Variants in FANCC observed in about 807,000 individuals in gnomAD.
FANCC encodes the protein Fanconi anemia group C protein.
A neutral mutation model predicts 71.3 loss-of-function variants in FANCC; 55 were observed. The ratio of observed to expected loss-of-function variants is 0.77; its 90% CI spans 0.62 to 0.97. The LOEUF is 0.97. FANCC is among the 50% of genes least tolerant of loss of function. The pLI is 0.00. For synonymous variants in FANCC, 275 were observed against 244.9 expected, an observed-to-expected ratio of 1.12 and a Z score of -1.15; for missense variants, 678 against 670.9, an observed-to-expected ratio of 1.01 and a Z score of -0.12.
chr9:95,230,524 G>C (rs911654131), intron 4 of FANCC, among the ~76,000 whole-genome samples: 1 of 152,146 alleles, frequency 6.6e-6, no homozygotes. Context: ...GAGTGTTACA[G>C]TTCTTAAAGA....
intron 4 of FANCC, among the ~76,000 whole-genome samples, chr9:95,214,765 C>T (rs910094050): frequency 1.4e-4 from 22 of 152,236 alleles, no homozygotes; most frequent in East Asian, 3.9e-4. Flanking sequence ...GAAAGACAAA[C>T]GTATGACTCC....
chr9:95,136,862 T>C (rs1827776826), intron 7 of FANCC, among the ~76,000 whole-genome samples: 1 of 152,168 alleles, frequency 6.6e-6, no homozygotes, highest in Non-Finnish European at 1.5e-5. Context: ...GAATTGGGGC[T>C]CCACTTCCCC....
chr9:95,146,843 G>A (rs1326003718), intron 7 of FANCC, among the ~76,000 whole-genome samples: 1 of 151,954 alleles, frequency 6.6e-6, no homozygotes, highest in African/African-American at 2.4e-5. Context: ...ACTGAGATGC[G>A]TTAAAAGAAA....
At chr9:95,209,854 C>T (rs773025654) in intron 4 of FANCC, among the ~76,000 whole-genome samples, 2 of 152,152 alleles carry the variant, frequency 1.3e-5, no homozygotes, top group African/African-American at 4.8e-5. Flanking sequence ...CCTGCTCCAG[C>T]GAGCAGCCTG....
chr9:95,207,875 C>T (rs748415092), intron 4 of FANCC, among the ~76,000 whole-genome samples: 1 of 151,958 alleles, frequency 6.6e-6, no homozygotes, highest in Non-Finnish European at 1.5e-5. Flanking sequence ...TGTGTGTGTA[C>T]GTGTGTGTCT....
intron 1 of FANCC, among the ~76,000 whole-genome samples, chr9:95,316,203 C>T (rs550516364): frequency 6.6e-6 from 1 of 152,304 alleles, no homozygotes; most frequent in East Asian, 1.9e-4. Flanking sequence ...AAAAAGATCT[C>T]TGATATATCT....
intron 6 of FANCC, among the ~76,000 whole-genome samples, chr9:95,159,854 G>A (rs1182148249): frequency 6.6e-6 from 1 of 152,102 alleles, no homozygotes; most frequent in African/African-American, 2.4e-5. Flanking sequence ...CATATTTTTT[G>A]CCCAATTTTT....
intron 1 of FANCC, among the ~76,000 whole-genome samples, chr9:95,284,877 T>TAC (rs71366285): frequency 0.32 from 46,614 of 147,442 alleles, 7,096 homozygotes; most frequent in South Asian, 0.35. Context: ...CACACACACA[T>TAC]ACACACACAC....
intron 4 of FANCC, among the ~76,000 whole-genome samples, chr9:95,183,506 G>A (rs1260512896): frequency 1.3e-5 from 2 of 152,216 alleles, no homozygotes; most frequent in African/African-American, 2.4e-5. Flanking sequence ...TTGTGACCTT[G>A]TTATAGGAGA....
At chr9:95,261,919 C>G (rs1169687283) in intron 1 of FANCC, among the ~76,000 whole-genome samples, 2 of 152,022 alleles carry the variant, frequency 1.3e-5, no homozygotes, top group African/African-American at 4.8e-5. Flanking sequence ...GATAAAGTAC[C>G]AAGGGAAACC....
At chr9:95,308,105 G>C (rs1397752714) in intron 1 of FANCC, among the ~76,000 whole-genome samples, 1 of 152,034 alleles carries the variant, frequency 6.6e-6, no homozygotes, top group Non-Finnish European at 1.5e-5. Flanking sequence ...TAGCCACTTT[G>C]GCCACAAAAC....
At chr9:95,236,281 C>G (rs1173198595) in intron 4 of FANCC, among the ~76,000 whole-genome samples, 1 of 152,148 alleles carries the variant, frequency 6.6e-6, no homozygotes, top group Non-Finnish European at 1.5e-5. Flanking sequence ...CATCTGAGAA[C>G]AGACTGTCTT....
At chr9:95,182,906 G>A (rs1028110171) in intron 4 of FANCC, among the ~76,000 whole-genome samples, 1 of 152,018 alleles carries the variant, frequency 6.6e-6, no homozygotes, top group Non-Finnish European at 1.5e-5. Context: ...GACTGGGGAA[G>A]GAGTAGAGAA....
At position 95,117,350 on chromosome 9, in the gene FANCC, G is replaced by T; in HGVS notation, c.1037C>A (p.Pro346Gln). Residue 346 changes from proline (P) to glutamine (Q), a missense_variant, in exon 11 of 15, where the codon CCA (proline) becomes CAA (glutamine). Coordinates refer to ENST00000289081, the MANE Select transcript of FANCC (RefSeq NM_000136.3). ...TTGCAGCAGCACCATGGCAAGAGATGGAGAAGTGTAAGGAAAGTAGGTCTT... is the reference window on the plus strand; with the variant it reads ...TTGCAGCAGCACCATGGCAAGAGATTGAGAAGTGTAAGGAAAGTAGGTCTT... ...ALKTYFPYTS[P>Q]SLAMVLLQDP... 6.2e-7 allele frequency: 1 copy of T among 1,614,066 alleles called. No homozygotes were observed. The highest frequency in any genetic ancestry group is 8.5e-7 in the Non-Finnish European group (1 of 1,179,998).
At chr9:95,111,146 C>A in intron 13 of FANCC, 1 of 1,534,762 alleles carries the variant, frequency 6.5e-7, no homozygotes, top group East Asian at 2.4e-5. Context: ...GCAGGGCACG[C>A]CTTGGAGGAC....
chr9:95,219,797 A>C (rs1265249232), intron 4 of FANCC, among the ~76,000 whole-genome samples: 1 of 152,230 alleles, frequency 6.6e-6, no homozygotes, highest in Non-Finnish European at 1.5e-5. Context: ...TTCAGGATCT[A>C]GGCATGGACA....
At chr9:95,293,358 T>C (rs1226402171) in intron 1 of FANCC, 30 of 1,597,780 alleles carry the variant, frequency 1.9e-5, no homozygotes, top group Non-Finnish European at 2.6e-5. Flanking sequence ...ACAGGGGCTG[T>C]GCACTTACTG....
chr9:95,236,075 CT>C (rs1197138955), intron 4 of FANCC, among the ~76,000 whole-genome samples: 1 of 152,066 alleles, frequency 6.6e-6, no homozygotes, highest in Non-Finnish European at 1.5e-5. Flanking sequence ...CTGGATATTG[CT>C]TAGTATTGCA....
At chr9:95,305,270 T>C (rs1835007192) in intron 1 of FANCC, among the ~76,000 whole-genome samples, 1 of 152,236 alleles carries the variant, frequency 6.6e-6, no homozygotes, top group African/African-American at 2.4e-5. Flanking sequence ...TGCATGCTCT[T>C]AAATTTGGCA....
Sources: gnomAD v4.1 joint callset for allele counts (sites outside exome capture counted in the v4.1 genomes callset) on GRCh38, gnomAD v4.1.1 for gene constraint, MANE v1.5 for transcripts, NCBI Gene and HGNC (gene_info 2026-07-23, HGNC 2026-07-21) for gene names.